Variants in KIAA1549L observed in about 807,000 individuals in gnomAD.
KIAA1549L encodes KIAA1549 like, also known as UPF0606 protein KIAA1549L.
KIAA1549L carries 88 observed loss-of-function variants against 160.7 expected under a neutral mutation model. That is an observed-to-expected ratio of 0.55 (90% confidence interval 0.46 to 0.65). The LOEUF (loss-of-function observed/expected upper bound fraction) is 0.65. KIAA1549L is among the 30% of genes least tolerant of loss of function. The probability of loss-of-function intolerance (pLI) is 0.00; values close to 1 mark genes in which losing one functional copy is unlikely to be tolerated. For synonymous variants in KIAA1549L, 950 were observed against 976.7 expected (o/e 0.97, Z 0.51); for missense variants, 2,258 against 2,437.5 (o/e 0.93, Z 1.55).
At chr11:33,598,093 G>A (rs1850250728) in intron 12 of KIAA1549L, among the ~76,000 whole-genome samples, 1 of 152,102 alleles carries the variant, frequency 6.6e-6, no homozygotes, top group Non-Finnish European at 1.5e-5. Flanking sequence ...GCACAGAGTA[G>A]ATGAATGAAA....
chr11:33,549,087 A>G (rs1393349547), intron 4 of KIAA1549L, among the ~76,000 whole-genome samples: 1 of 152,252 alleles, frequency 6.6e-6, no homozygotes, highest in East Asian at 1.9e-4. Flanking sequence ...AACATTCTCA[A>G]ACTGCTTTTA....
At chr11:33,597,959 A>G (rs1050249867) in intron 12 of KIAA1549L, among the ~76,000 whole-genome samples, 2 of 152,102 alleles carry the variant, frequency 1.3e-5, no homozygotes, top group Non-Finnish European at 2.9e-5. Context: ...GGCTCATTAT[A>G]ATGATCCATT....
chr11:33,377,178 C>A (rs1247191555), intron 1 of KIAA1549L, among the ~76,000 whole-genome samples: 2 of 152,156 alleles, frequency 1.3e-5, no homozygotes, highest in African/African-American at 2.4e-5. Context: ...ACACCTTAAA[C>A]GGGAAATGTA....
At chr11:33,422,524 CTTCCCCCT>C (rs1851035525) in intron 1 of KIAA1549L, among the ~76,000 whole-genome samples, 1 of 116,602 alleles carries the variant, frequency 8.6e-6, no homozygotes, top group Non-Finnish European at 1.8e-5. Context: ...CCTCCCCTCC[CTTCCCCCT>C]TTCCCCCCTC....
intron 1 of KIAA1549L, among the ~76,000 whole-genome samples, chr11:33,486,300 A>T (rs1268190429): frequency 6.6e-6 from 1 of 152,206 alleles, no homozygotes; most frequent in Non-Finnish European, 1.5e-5. Context: ...TCCTCAAAAA[A>T]TTAAAAATAA....
rs796303645 is a variant in KIAA1549L, at chr11:33,673,482, G to C, written c.*5328G>C. On this transcript the variant is annotated 3_prime_UTR_variant, in exon 21 of 21. Transcript: ENST00000658780. ...GAGGCATATGAATGGACTGGAAATT[G>C]TGAAAAAGGTATAAATATCCTAGAC... The C allele has an allele frequency of 1.1e-4, 17 of 152,256 alleles. No individual in the cohort carries two copies. The highest frequency in any genetic ancestry group is 3.9e-4 in the African/African-American group (16 of 41,548). The allele number at this position is 152,256 out of a possible 1,614,324, so 9.4% of individuals were successfully genotyped here. A position where few individuals can be genotyped will look rare whatever the true frequency, so the allele number is the denominator to read the frequency against.
In KIAA1549L at chr11:33,668,452, A is replaced by G; in HGVS notation, c.*298A>G. 3 of 443,698 alleles carry G rather than the reference A, an allele frequency of 6.8e-6. No individual in the cohort carries two copies. Among genetic ancestry groups the G allele is most frequent in the Non-Finnish European group, 1.2e-5 (3 of 244,546 alleles). The allele number at this position is 443,698 out of a possible 1,614,324, so 27.5% of individuals were successfully genotyped here. A position where few individuals can be genotyped will look rare whatever the true frequency, so the allele number is the denominator to read the frequency against. Reference sequence around the variant, plus strand: ...CTATGGAAGCTTAGTCACAAGAGGCACTAGCTAATCTACAGATTCCTATCC... The same window carrying G: ...CTATGGAAGCTTAGTCACAAGAGGCGCTAGCTAATCTACAGATTCCTATCC... On this transcript the variant is annotated 3_prime_UTR_variant, in exon 21 of 21. Transcript: ENST00000658780.
intron 1 of KIAA1549L, among the ~76,000 whole-genome samples, chr11:33,421,414 C>T (rs1214728777): frequency 1.3e-5 from 2 of 152,180 alleles, no homozygotes; most frequent in African/African-American, 4.8e-5. Context: ...ACAGTGTGGG[C>T]CGTAGGCCAG....
chr11:33,587,869 A>G (rs936387385), intron 11 of KIAA1549L, among the ~76,000 whole-genome samples: 1 of 152,198 alleles, frequency 6.6e-6, no homozygotes, highest in African/African-American at 2.4e-5. Context: ...CCTCACAGAC[A>G]GGCCAGGAGT....
rs879500574 is a variant in KIAA1549L at position 33,614,531 on chromosome 11, G to GCTATATATATATAT, written c.5280-4002_5280-4001insCTATATATATATAT. On this transcript the variant is annotated intron_variant, in intron 15 of 20. Transcript: ENST00000658780. The stretch of plus-strand genomic sequence containing the variant: ...CTCTTGGGATCTGTGAGTGTAACAA[G>GCTATATATATATAT]ATATATATATATATATATATATATA... 1.7e-3 allele frequency among the ~76,000 whole-genome samples: 45 copies of GCTATATATATATAT among 27,112 alleles called. 11 individuals carry two copies. The highest frequency in any genetic ancestry group is 6.9e-3 in the East Asian group (5 of 726). 17.8% of individuals were successfully genotyped at this position (27,112 alleles called of 152,430 possible).
At chr11:33,442,846 C>A in intron 1 of KIAA1549L, among the ~76,000 whole-genome samples, 1 of 152,122 alleles carries the variant, frequency 6.6e-6, no homozygotes, top group East Asian at 1.9e-4. Flanking sequence ...CATATCACTT[C>A]TTTCATGTAT....
At chr11:33,632,099 A>G (rs1449113379) in intron 16 of KIAA1549L, among the ~76,000 whole-genome samples, 1 of 152,224 alleles carries the variant, frequency 6.6e-6, no homozygotes, top group Non-Finnish European at 1.5e-5. Flanking sequence ...GGCAAAAGCA[A>G]CAGAAACTCC....
At chr11:33,599,051 C>T in intron 13 of KIAA1549L, 104 bp downstream of exon 13, 7 of 1,360,750 alleles carry the variant, frequency 5.1e-6, no homozygotes, top group Non-Finnish European at 6.1e-6. Context: ...CCACTGGGCT[C>T]TGACCCTCAG....
chr11:33,437,448 C>T (rs1054074720), intron 1 of KIAA1549L, among the ~76,000 whole-genome samples: 15 of 152,304 alleles, frequency 9.8e-5, no homozygotes, highest in African/African-American at 2.4e-4. Context: ...GAGGTGTCAT[C>T]GCAGAAACTG....
chr11:33,487,593 G>A lies in KIAA1549L; in HGVS notation c.239-54209G>A, dbSNP rs144799264. Among the ~76,000 whole-genome samples, 1,055 of 152,148 alleles carry A rather than the reference G, an allele frequency of 6.9e-3. 12 individuals are homozygous for A. The highest frequency in any genetic ancestry group is 0.024 in the African/African-American group (979 of 41,520). On this transcript the variant is annotated intron_variant, in intron 1 of 20. Transcript: ENST00000658780. ...CCTTGCCTTCAGAAGTTTGTGAGCT[G>A]AAACATCGATTCGTACTGTGAATGC...
At chr11:33,480,151 A>G (rs912163965) in intron 1 of KIAA1549L, among the ~76,000 whole-genome samples, 12 of 152,172 alleles carry the variant, frequency 7.9e-5, no homozygotes, top group African/African-American at 2.9e-4. Flanking sequence ...GTGACTTAGT[A>G]TATTCAAATT....
chr11:33,645,098 G>A (rs993800636), intron 16 of KIAA1549L, among the ~76,000 whole-genome samples: 3 of 152,212 alleles, frequency 2.0e-5, no homozygotes, highest in South Asian at 2.1e-4. Flanking sequence ...AACAGGCATC[G>A]GAATCTCCTG....
chr11:33,434,161 T>A (rs2615901), intron 1 of KIAA1549L, among the ~76,000 whole-genome samples: 30,640 of 152,016 alleles, frequency 0.2, 3,338 homozygotes, highest in East Asian at 0.33. Flanking sequence ...CAGATTTTTT[T>A]AAAAAGATTC....
intron 9 of KIAA1549L, among the ~76,000 whole-genome samples, chr11:33,571,077 G>A (rs2133239782): frequency 6.6e-6 from 1 of 152,350 alleles, no homozygotes; most frequent in Non-Finnish European, 1.5e-5. Flanking sequence ...AAGGTCAAGA[G>A]ATGGAGACCA....
Sources: gnomAD v4.1 joint callset for allele counts (sites outside exome capture counted in the v4.1 genomes callset) on GRCh38, gnomAD v4.1.1 for gene constraint, MANE v1.5 for transcripts, NCBI Gene and HGNC (gene_info 2026-07-23, HGNC 2026-07-21) for gene names.